The following LSAMP variants were observed in gnomAD, a reference collection of about 807,000 sequenced individuals.
LSAMP encodes limbic system-associated membrane protein.
In LSAMP, 7 loss-of-function variants were observed where a neutral mutation model predicts 38.6. The observed-to-expected ratio is 0.18, with a 90% CI of 0.10 to 0.34. The LOEUF is 0.34. Among genes scored for constraint, LSAMP ranks in the 10% least tolerant of loss-of-function variants. The probability of loss-of-function intolerance (pLI) is 1.00; values close to 1 mark genes in which losing one functional copy is unlikely to be tolerated. For missense variants in LSAMP, 313 were observed against 420.0 expected, an observed-to-expected ratio of 0.75 and a Z score of 2.23; for synonymous variants, 154 against 166.8, an observed-to-expected ratio of 0.92 and a Z score of 0.59.
chr3:116,090,909 C>T (rs997653464), intron 1 of LSAMP, among the ~76,000 whole-genome samples: 3 of 152,190 alleles, frequency 2.0e-5, no homozygotes, highest in Non-Finnish European at 4.4e-5. Flanking sequence ...ATTAAAATTG[C>T]TAATGAAGTT....
At chr3:116,284,766 C>T in intron 1 of LSAMP, among the ~76,000 whole-genome samples, 1 of 152,192 alleles carries the variant, frequency 6.6e-6, no homozygotes, top group East Asian at 1.9e-4. Context: ...AGGATGGTTT[C>T]CAAACTTCAG....
chr3:116,013,511 A>G (rs1000192909), intron 3 of LSAMP, among the ~76,000 whole-genome samples: 1 of 152,204 alleles, frequency 6.6e-6, no homozygotes, highest in Non-Finnish European at 1.5e-5. Flanking sequence ...TATACCTGCT[A>G]CTGATATACT....
At chr3:115,819,634 T>G (rs1934162768) in intron 6 of LSAMP, among the ~76,000 whole-genome samples, 1 of 152,160 alleles carries the variant, frequency 6.6e-6, no homozygotes, top group Non-Finnish European at 1.5e-5. Flanking sequence ...ATATAAAAAA[T>G]TCCCAAATAT....
chr3:116,122,143 A>C (rs1012980543), intron 1 of LSAMP, among the ~76,000 whole-genome samples: 1 of 152,228 alleles, frequency 6.6e-6, no homozygotes. Flanking sequence ...TAACAAAATA[A>C]CATTATTTGC....
rs138020261 is a variant in LSAMP at position 115,979,124 on chromosome 3, T to G, written c.514+40391A>C. Among the ~76,000 whole-genome samples the G allele has an allele frequency of 4.3e-3, 647 of 152,084 alleles. 2 individuals carry two copies. Among genetic ancestry groups the G allele is most frequent in the African/African-American group, 0.015 (622 of 41,490 alleles). ...ATCTAAGGGTTGAAGACGTGGAGTA[T>G]CTTAAAGATTTTTTTTAAAAGGAGT... On this transcript the variant is annotated intron_variant, in intron 3 of 6. Coordinates refer to ENST00000490035, the MANE Select transcript of LSAMP (RefSeq NM_002338.5).
intron 6 of LSAMP, among the ~76,000 whole-genome samples, chr3:115,822,166 T>C (rs775077422): frequency 6.6e-6 from 1 of 152,166 alleles, no homozygotes; most frequent in Non-Finnish European, 1.5e-5. Flanking sequence ...TATTCTCCCA[T>C]GTATGATATT....
chr3:116,240,500 T>C (rs1576454034), intron 1 of LSAMP, among the ~76,000 whole-genome samples: 1 of 152,320 alleles, frequency 6.6e-6, no homozygotes, highest in South Asian at 2.1e-4. Context: ...TTGTACTAAG[T>C]ATGGTTGGCA....
intron 3 of LSAMP, among the ~76,000 whole-genome samples, chr3:115,990,692 C>T (rs1022439808): frequency 3.9e-5 from 6 of 151,994 alleles, no homozygotes; most frequent in African/African-American, 1.4e-4. Flanking sequence ...ACTGTATCTA[C>T]CTAAAACTCA....
intron 3 of LSAMP, among the ~76,000 whole-genome samples, chr3:116,005,177 C>G (rs1559916801): frequency 6.6e-6 from 1 of 151,890 alleles, no homozygotes. Context: ...AGAAAGAAGC[C>G]CTAAAGAAAG....
chr3:115,822,833 C>T (rs958757392), intron 6 of LSAMP, among the ~76,000 whole-genome samples: 7 of 152,094 alleles, frequency 4.6e-5, no homozygotes, highest in South Asian at 2.1e-4. Context: ...TTTCAAATAC[C>T]GCTAAAGGCT....
At chr3:116,415,154 T>A (rs1425254153) in intron 1 of LSAMP, among the ~76,000 whole-genome samples, 1 of 152,092 alleles carries the variant, frequency 6.6e-6, no homozygotes, top group African/African-American at 2.4e-5. Context: ...ATTCTCCCCA[T>A]TGCAATAGTC....
intron 1 of LSAMP, among the ~76,000 whole-genome samples, chr3:116,312,036 A>G (rs1362918946): frequency 1.3e-5 from 2 of 152,206 alleles, no homozygotes. Context: ...GGGAAAAGCA[A>G]TAGATACAAT....
chr3:116,043,221 A>G (rs962241473), intron 2 of LSAMP, among the ~76,000 whole-genome samples: 2 of 152,180 alleles, frequency 1.3e-5, no homozygotes, highest in African/African-American at 2.4e-5. Context: ...TGGTTATCAT[A>G]TGCTTTTTTT....
At chr3:116,055,228 A>G (rs1014761700) in intron 2 of LSAMP, among the ~76,000 whole-genome samples, 1 of 152,200 alleles carries the variant, frequency 6.6e-6, no homozygotes, top group African/African-American at 2.4e-5. Context: ...AAAATTCAAA[A>G]CTGATGGTGG....
chr3:116,025,098 T>C (rs542257747), intron 2 of LSAMP, among the ~76,000 whole-genome samples: 2 of 152,088 alleles, frequency 1.3e-5, no homozygotes, highest in South Asian at 4.1e-4. Flanking sequence ...TCAAAATCAC[T>C]GTAATATTGA....
chr3:116,145,446 G>A (rs1459792106), intron 1 of LSAMP, among the ~76,000 whole-genome samples: 1 of 151,952 alleles, frequency 6.6e-6, no homozygotes, highest in Non-Finnish European at 1.5e-5. Context: ...AGGCATTAAT[G>A]CTGTAGTTGT....
At chr3:115,827,279 G>C (rs1934449459) in intron 6 of LSAMP, among the ~76,000 whole-genome samples, 1 of 151,440 alleles carries the variant, frequency 6.6e-6, no homozygotes, top group Non-Finnish European at 1.5e-5. Flanking sequence ...GTGAGCTAAG[G>C]AGCATGGGAT....
intron 4 of LSAMP, among the ~76,000 whole-genome samples, chr3:115,849,005 C>T (rs1935246908): frequency 1.3e-5 from 2 of 152,302 alleles, no homozygotes; most frequent in Middle Eastern, 6.8e-3. Flanking sequence ...AAAGTAGTTA[C>T]ATTTAATGCA....
intron 1 of LSAMP, among the ~76,000 whole-genome samples, chr3:116,327,188 T>C (rs1297674027): frequency 6.6e-6 from 1 of 152,192 alleles, no homozygotes; most frequent in African/African-American, 2.4e-5. Flanking sequence ...CAGTGGCCAA[T>C]GCCAAGGGCT....
Sources: allele counts gnomAD v4.1 joint callset (sites outside exome capture counted in the v4.1 genomes callset), GRCh38; gene constraint gnomAD v4.1.1; transcripts MANE v1.5; gene names NCBI Gene and HGNC (gene_info 2026-07-23, HGNC 2026-07-21).